RDX: variants seen among roughly 807,000 people sequenced by gnomAD.
The protein encoded by RDX is radixin.
Under a neutral mutation model 83.7 loss-of-function variants are expected in RDX, and 32 were observed. The observed-to-expected ratio is 0.38, with a 90% CI of 0.29 to 0.51. The LOEUF is 0.51. Among genes scored for constraint, RDX ranks in the 20% least tolerant of loss-of-function variants. The pLI, the probability that RDX is intolerant of heterozygous loss-of-function variation, is 0.87. For synonymous variants in RDX, 229 were observed against 222.7 expected, an observed-to-expected ratio of 1.03 and a Z score of -0.25; for missense variants, 600 against 689.9, an observed-to-expected ratio of 0.87 and a Z score of 1.46.
intron 5 of RDX, among the ~76,000 whole-genome samples, chr11:110,261,546 G>C (rs762470197): frequency 1.3e-5 from 2 of 152,046 alleles, no homozygotes; most frequent in African/African-American, 2.4e-5. Flanking sequence ...CTTAGATACT[G>C]AGAAAAAGTG....
Position 110,212,032 on chromosome 11 carries a change from TAATG to T in RDX, c.1749-12358_1749-12355del, listed in dbSNP as rs766013566. Among the ~76,000 whole-genome samples, 496 of 138,974 alleles carry T rather than the reference TAATG, an allele frequency of 3.6e-3. 3 individuals carry two copies. Among genetic ancestry groups the T allele is most frequent in the Non-Finnish European group, 5.7e-3 (362 of 64,064 alleles). 91.2% of individuals were successfully genotyped at this position (138,974 alleles called of 152,430 possible). A position where few individuals can be genotyped will look rare whatever the true frequency, so the allele number is the denominator to read the frequency against. On this transcript the variant is annotated intron_variant, in intron 14 of 15. Transcript: ENST00000528498. Reference sequence around the variant, plus strand: ...AGACACAAAAAACCCTTCAAAAAATTAATGAATCCAGGAGCTGGTTTTTTGAAAG... The same window carrying T: ...AGACACAAAAAACCCTTCAAAAAATTAATCCAGGAGCTGGTTTTTTGAAAG...
intron 15 of RDX, among the ~76,000 whole-genome samples, chr11:110,196,445 T>C (rs1863212430): frequency 6.6e-6 from 1 of 152,220 alleles, no homozygotes; most frequent in Non-Finnish European, 1.5e-5. Context: ...ACTTTTGGCC[T>C]CAAAAGGAGT....
chr11:110,201,317 G>C (rs1051434442), intron 14 of RDX, among the ~76,000 whole-genome samples: 2 of 152,078 alleles, frequency 1.3e-5, no homozygotes, highest in Non-Finnish European at 2.9e-5. Flanking sequence ...GGAGCAGAGA[G>C]AGCAAAGGAA....
At chr11:110,203,015 C>T (rs10891074) in intron 14 of RDX, among the ~76,000 whole-genome samples, 58,855 of 151,734 alleles carry the variant, frequency 0.39, 11,665 homozygotes, top group East Asian at 0.6. Context: ...TGTGTATATA[C>T]CCCCCAAAAA....
Position 110,204,512 on chromosome 11 carries a change from T to C in RDX, c.1749-4834A>G, listed in dbSNP as rs1436930649. On this transcript the variant is annotated intron_variant, in intron 14 of 15. Coordinates refer to the RDX transcript ENST00000528498. ...ATTACTTTTCTTTCTTTTTTTTTTT[T>C]CCTTTTTTTTTTTTTTTTTTTGAGA... Among the ~76,000 whole-genome samples the C allele has an allele frequency of 7.9e-3, 1,115 of 141,738 alleles. 16 individuals are homozygous for C. Among genetic ancestry groups the C allele is most frequent in the Admixed American group, 9.2e-3 (128 of 13,850 alleles). The allele number at this position is 141,738 out of a possible 152,430, so 93.0% of individuals were successfully genotyped here.
intron 15 of RDX, chr11:110,195,726 T>C (rs930463308): frequency 4.6e-5 from 7 of 152,250 alleles, no homozygotes; most frequent in African/African-American, 7.2e-5. Flanking sequence ...ATAAGTCACA[T>C]ACATTTTTTG....
At chr11:110,279,796 A>G (rs554312975) in intron 1 of RDX, 40 bp from the exon 2 acceptor site, 686 of 704,850 alleles carry the variant, frequency 9.7e-4, no homozygotes, top group East Asian at 1.8e-3. Flanking sequence ...ATCTTTTTAT[A>G]TAAGGTTTCT....
chr11:110,255,980 A>G (rs997071085), intron 7 of RDX, among the ~76,000 whole-genome samples: 1 of 152,208 alleles, frequency 6.6e-6, no homozygotes, highest in Non-Finnish European at 1.5e-5. Flanking sequence ...GATAAATGAT[A>G]GAGATGGAAT....
intron 2 of RDX, among the ~76,000 whole-genome samples, chr11:110,276,110 C>T (rs1328275449): frequency 2.6e-5 from 4 of 152,076 alleles, no homozygotes; most frequent in Non-Finnish European, 5.9e-5. Flanking sequence ...CTTAAGAAAT[C>T]CTTCCATACT....
chr11:110,253,618 T>C (rs1694029449), intron 9 of RDX, among the ~76,000 whole-genome samples: 1 of 152,132 alleles, frequency 6.6e-6, no homozygotes, highest in African/African-American at 2.4e-5. Flanking sequence ...TTCAGCACAT[T>C]CTTACCCTGA....
intron 14 of RDX, among the ~76,000 whole-genome samples, chr11:110,208,165 G>A (rs1343029930): frequency 6.6e-6 from 1 of 151,916 alleles, no homozygotes; most frequent in African/African-American, 2.4e-5. Flanking sequence ...CCCACACAGA[G>A]CATCTGAAAA....
Position 110,237,602 on chromosome 11 carries a change from G to A in RDX, c.1141C>T (p.Arg381Ter), listed in dbSNP as rs1308348441. The A allele has an allele frequency of 2.5e-6, 4 of 1,613,982 alleles. No homozygotes were observed. The highest frequency in any genetic ancestry group is 3.4e-6 in the Non-Finnish European group (4 of 1,179,978). ...AGTCGTTCTGCTTCTTCTTTTGCTC[G>A]TTTTCGTTCTTGATCCAGTTCTAGA... ...KALELDQERK[R>*]AKEEAERLEK... Residue 381 changes from arginine to a stop codon, truncating the protein, a stop_gained, in exon 11 of 14, where the codon CGA (arginine) becomes TGA (stop). Coordinates refer to ENST00000645495, the MANE Select transcript of RDX (RefSeq NM_002906.4). LOFTEE classifies it high-confidence loss of function.
intron 5 of RDX, among the ~76,000 whole-genome samples, chr11:110,261,331 T>C (rs1015467692): frequency 1.3e-5 from 2 of 152,222 alleles, no homozygotes; most frequent in African/African-American, 4.8e-5. Context: ...AGTTTATGTA[T>C]ATTTAGCTCT....
chr11:110,287,052 C>T (rs1246474881), intron 1 of RDX: 6 of 152,074 alleles, frequency 3.9e-5, no homozygotes, highest in South Asian at 2.1e-4. Flanking sequence ...TAAGTTATTT[C>T]GAGACAGCTT....
intron 15 of RDX, among the ~76,000 whole-genome samples, chr11:110,180,904 C>A (rs1198473651): frequency 6.6e-6 from 1 of 152,078 alleles, no homozygotes. Flanking sequence ...TTATATTCCT[C>A]CACAGCATGA....
chr11:110,179,080 TAGACCAGAGGGGTTC>T (rs1862831141), intron 15 of RDX, among the ~76,000 whole-genome samples: 4 of 152,102 alleles, frequency 2.6e-5, no homozygotes. Context: ...GGAGGGTGAT[TAGACCAGAGGGGTTC>T]AGCCAGGGGG....
chr11:110,244,835 A>G (rs1565311987), intron 10 of RDX, among the ~76,000 whole-genome samples: 2 of 152,184 alleles, frequency 1.3e-5, no homozygotes, highest in East Asian at 3.8e-4. Context: ...AGAAAAAGAG[A>G]AAAGGAGACT....
At chr11:110,252,192 T>A (rs1859364704) in intron 9 of RDX, among the ~76,000 whole-genome samples, 1 of 152,202 alleles carries the variant, frequency 6.6e-6, no homozygotes, top group African/African-American at 2.4e-5. Context: ...AGTCAATAAA[T>A]GCTTACTAAT....
intron 14 of RDX, among the ~76,000 whole-genome samples, chr11:110,218,877 T>C (rs888865678): frequency 2.6e-5 from 4 of 152,208 alleles, no homozygotes; most frequent in Admixed American, 1.3e-4. Context: ...TCAGAGCTCA[T>C]CTATCCATTC....
Sources: allele counts gnomAD v4.1 joint callset (sites outside exome capture counted in the v4.1 genomes callset), GRCh38; gene constraint gnomAD v4.1.1; transcripts MANE v1.5; gene names NCBI Gene and HGNC (gene_info 2026-07-23, HGNC 2026-07-21).